The following NPHP4 variants were observed in gnomAD, a reference collection of about 807,000 sequenced individuals.
The protein encoded by NPHP4 is nephrocystin-4.
A neutral mutation model predicts 155.8 loss-of-function variants in NPHP4; 151 were observed. The observed-to-expected ratio is 0.97, with a 90% CI of 0.85 to 1.11. The LOEUF (loss-of-function observed/expected upper bound fraction) is 1.11. NPHP4 is among the 50% of genes least tolerant of loss of function. The pLI, the probability that NPHP4 is intolerant of heterozygous loss-of-function variation, is 0.00. For synonymous variants in NPHP4, 845 were observed against 816.8 expected (o/e 1.03, Z -0.59); for missense variants, 1,956 against 1,925.7 (o/e 1.02, Z -0.29).
chr1:5,870,709 G>A (rs569326467), intron 23 of NPHP4, among the ~76,000 whole-genome samples: 5 of 152,318 alleles, frequency 3.3e-5, no homozygotes, highest in South Asian at 4.1e-4. Context: ...AAAGCAACAC[G>A]GTGTCCCTCA....
chr1:5,978,291 C>T lies in NPHP4; in HGVS notation c.258G>A (p.Pro86=), dbSNP rs760497309. ...CCACCTCATTAAAGACGATCCTGGACGGCGGTCTCTTCGTCGGCTTCACTG... is the reference window on the plus strand; with the variant it reads ...CCACCTCATTAAAGACGATCCTGGATGGCGGTCTCTTCGTCGGCTTCACTG... The part of the protein sequence containing the change: ...KTTVKPTKRP[P]SRIVFNEPLY... Residue 86 remains proline (P), a synonymous_variant, in exon 3 of 30, where the codon CCG becomes CCA. Coordinates refer to ENST00000378156, the MANE Select transcript of NPHP4 (RefSeq NM_015102.5). 13 of 1,607,890 alleles carry T rather than the reference C, an allele frequency of 8.1e-6. No homozygotes were observed. Among genetic ancestry groups the T allele is most frequent in the African/African-American group, 4.0e-5 (3 of 74,760 alleles).
chr1:5,885,499 TG>T (rs1643718477), intron 18 of NPHP4, among the ~76,000 whole-genome samples: 1 of 152,264 alleles, frequency 6.6e-6, no homozygotes, highest in Admixed American at 6.5e-5. Context: ...CAAAAGAGGC[TG>T]CCAAGGAAAT....
At chr1:5,878,216 C>T (rs1347840211) in intron 19 of NPHP4, among the ~76,000 whole-genome samples, 1 of 152,234 alleles carries the variant, frequency 6.6e-6, no homozygotes, top group Non-Finnish European at 1.5e-5. Context: ...GCATGGGCAC[C>T]CCCTGCAGAA....
Position 5,874,660 on chromosome 1 carries a change from G to T in NPHP4, c.3045-3C>A. 1 of 1,610,836 alleles carries T rather than the reference G, an allele frequency of 6.2e-7. No individual in the cohort carries two copies. Among genetic ancestry groups the T allele is most frequent in the East Asian group, 2.2e-5 (1 of 44,866 alleles). On this transcript the variant is annotated splice_region_variant and splice_polypyrimidine_tract_variant and intron_variant, in intron 21 of 29. Coordinates refer to ENST00000378156, the MANE Select transcript of NPHP4 (RefSeq NM_015102.5). ...ACTCCTGACTGTCCACGATGACGCT[G>T]GGGGAGGCAGTGTCCAGGCGTCAGG...
At chr1:5,973,118 C>G (rs150101746) in intron 3 of NPHP4, among the ~76,000 whole-genome samples, 1,536 of 152,328 alleles carry the variant, frequency 0.01, 27 homozygotes, top group African/African-American at 0.034. Context: ...TTCCTGATCT[C>G]AAGTGATCCA....
At chr1:5,865,058 TG>T in intron 27 of NPHP4, 43 bp downstream of exon 27, 2 of 1,591,240 alleles carry the variant, frequency 1.3e-6, no homozygotes, top group Non-Finnish European at 1.7e-6. Context: ...GTCTCCAGGC[TG>T]GGGTTGGGGA....
intron 17 of NPHP4, chr1:5,888,560 A>T (rs1339250810): frequency 1.5e-6 from 2 of 1,351,008 alleles, no homozygotes. Flanking sequence ...ATAGACATCG[A>T]TGATTCCGGA....
intron 16 of NPHP4, among the ~76,000 whole-genome samples, chr1:5,898,758 G>A (rs1644522486): frequency 6.6e-6 from 1 of 152,168 alleles, no homozygotes. Flanking sequence ...GGTGGGTATG[G>A]GGCCAGTGCT....
chr1:5,929,110 C>A (rs566875461), intron 10 of NPHP4, among the ~76,000 whole-genome samples: 4 of 152,248 alleles, frequency 2.6e-5, no homozygotes, highest in Admixed American at 1.3e-4. Flanking sequence ...TGCTAGTATA[C>A]AGAAATAGGA....
intron 11 of NPHP4, among the ~76,000 whole-genome samples, chr1:5,918,328 G>C (rs1645574632): frequency 6.6e-6 from 1 of 151,844 alleles, no homozygotes; most frequent in Non-Finnish European, 1.5e-5. Flanking sequence ...TAGGTAAAAA[G>C]GAAATAAAAA....
intron 16 of NPHP4, among the ~76,000 whole-genome samples, chr1:5,902,099 T>A (rs1644710275): frequency 6.6e-6 from 1 of 152,212 alleles, no homozygotes. Context: ...CTGTGGCCTC[T>A]CTCTGCCCAG....
rs551594938 is a variant in NPHP4, at chr1:5,880,487, G to T, written c.2486-248C>A. ...GTGGCAGCCTCCGTTTCCTGGTGAC[G>T]AATGAAAGCGTGTGGCACTCACAGT... On this transcript the variant is annotated intron_variant, in intron 18 of 29. Transcript: ENST00000378156. The T allele has an allele frequency of 1.4e-4, 70 of 494,574 alleles. No individual in the cohort carries two copies. In the South Asian group the frequency reaches 1.6e-3, roughly 11 times the overall value. The allele number at this position is 494,574 out of a possible 1,614,324, so 30.6% of individuals were successfully genotyped here.
chr1:5,952,760 G>C lies in NPHP4; in HGVS notation c.750C>G (p.Pro250=), dbSNP rs1202910285. Residue 250 remains proline, a synonymous_variant, in exon 7 of 30, where the codon CCC becomes CCG. Coordinates refer to ENST00000378156, the MANE Select transcript of NPHP4 (RefSeq NM_015102.5). ...GCTCTTCCTCAAACTTCTCCAGGGAGGGGTACAGGGTGAAGAATAAGTCAT... is the reference window on the plus strand; with the variant it reads ...GCTCTTCCTCAAACTTCTCCAGGGACGGGTACAGGGTGAAGAATAAGTCAT... ...HLDDLFFTLY[P]SLEKFEEELL... is the part of the protein sequence containing the mutation. The C allele has an allele frequency of 2.5e-6, 4 of 1,577,576 alleles. No homozygotes were observed. The highest frequency in any genetic ancestry group is 2.3e-5 in the South Asian group (2 of 85,954).
chr1:5,892,153 G>A lies in NPHP4; in HGVS notation c.2144-1125C>T, dbSNP rs1277180086. ...CAGTGTGGCACCTCAGAGGTGACCA[G>A]CCACACAGCCCCCACCCCTGCCTGG... On this transcript the variant is annotated intron_variant, in intron 16 of 29. Transcript: ENST00000378156. The surrounding 1 kb of genome is among the most constrained non-coding windows in gnomAD (Gnocchi z 4.5). Among the ~76,000 whole-genome samples, 1 of 152,146 alleles carries A rather than the reference G, an allele frequency of 6.6e-6. No homozygotes were observed. Among genetic ancestry groups the A allele is most frequent in the Non-Finnish European group, 1.5e-5 (1 of 68,004 alleles).
At chr1:5,891,575 T>G (rs920628651) in intron 16 of NPHP4, among the ~76,000 whole-genome samples, 2 of 152,272 alleles carry the variant, frequency 1.3e-5, no homozygotes, top group South Asian at 4.1e-4. Flanking sequence ...GGAACTGGAC[T>G]GCGGCCCCTG....
At chr1:5,866,610 T>G (rs1039436082) in intron 25 of NPHP4, among the ~76,000 whole-genome samples, 152 bp from the exon 26 acceptor site, 10 of 152,204 alleles carry the variant, frequency 6.6e-5, no homozygotes, top group Non-Finnish European at 1.2e-4. Context: ...AATTCACTAT[T>G]CTGTTCACTG....
In NPHP4 at chr1:5,921,379, T is replaced by A. The variant is rs114022642; in HGVS notation, c.1441+6270A>T. Among the ~76,000 whole-genome samples the A allele has an allele frequency of 2.5e-3, 381 of 152,342 alleles. 2 individuals are homozygous for A. Among genetic ancestry groups the A allele is most frequent in the African/African-American group, 8.6e-3 (357 of 41,576 alleles). ...TCGTCTGGAAATGGCACTTCTGAGT[T>A]GTAGGATATTAACTAAATATTACAA... On this transcript the variant is annotated intron_variant, in intron 11 of 29. Coordinates refer to ENST00000378156, the MANE Select transcript of NPHP4 (RefSeq NM_015102.5).
At chr1:5,868,947 C>T (rs536102027) in intron 23 of NPHP4, among the ~76,000 whole-genome samples, 2 of 145,896 alleles carry the variant, frequency 1.4e-5, no homozygotes, top group Non-Finnish European at 3.1e-5. Flanking sequence ...CCCACATGCA[C>T]ACACACACAA....
intron 20 of NPHP4, 110 bp downstream of exon 20, chr1:5,876,983 G>T: frequency 1.3e-6 from 1 of 754,774 alleles, no homozygotes; most frequent in Non-Finnish European, 1.9e-6. Context: ...CTGTCCCCAG[G>T]ATTTGGGAGG....
Sources: allele counts gnomAD v4.1 joint callset (sites outside exome capture counted in the v4.1 genomes callset), GRCh38; gene constraint gnomAD v4.1.1; non-coding constraint Gnocchi (gnomAD v3.1); transcripts MANE v1.5; gene names NCBI Gene and HGNC (gene_info 2026-07-23, HGNC 2026-07-21).